Variants in ATE1 observed in about 807,000 individuals in gnomAD.
The protein encoded by ATE1 is arginyl-tRNA--protein transferase 1.
A neutral mutation model predicts 70.5 loss-of-function variants in ATE1; 36 were observed. That is an observed-to-expected ratio of 0.51 (90% confidence interval 0.39 to 0.67). The LOEUF is 0.67. Among genes scored for constraint, ATE1 ranks in the 30% least tolerant of loss-of-function variants. The pLI, the probability that ATE1 is intolerant of heterozygous loss-of-function variation, is 0.00. For missense variants in ATE1, 593 were observed against 629.5 expected, an observed-to-expected ratio of 0.94 and a Z score of 0.62; for synonymous variants, 232 against 219.3, an observed-to-expected ratio of 1.06 and a Z score of -0.51.
chr10:121,749,713 C>T (rs970028514), intron 11 of ATE1, among the ~76,000 whole-genome samples: 1 of 152,170 alleles, frequency 6.6e-6, no homozygotes. Context: ...CAGAGACTGA[C>T]GTCAGCCCCC....
At chr10:121,871,193 G>A (rs1949843155) in intron 7 of ATE1, among the ~76,000 whole-genome samples, 2 of 152,176 alleles carry the variant, frequency 1.3e-5, no homozygotes, top group South Asian at 2.1e-4. Flanking sequence ...GGTGGCTCAC[G>A]CATGTAATCC....
intron 11 of ATE1, among the ~76,000 whole-genome samples, chr10:121,752,388 G>A (rs12572296): frequency 0.38 from 57,654 of 150,366 alleles, 12,010 homozygotes; most frequent in East Asian, 0.59. Flanking sequence ...CCGCCACCAC[G>A]CCTGGCTAAT....
intron 10 of ATE1, among the ~76,000 whole-genome samples, chr10:121,791,376 G>A (rs1404743044): frequency 6.6e-6 from 1 of 151,984 alleles, no homozygotes; most frequent in Admixed American, 6.6e-5. Context: ...TTACAGGCAT[G>A]AGCCACCGTG....
intron 5 of ATE1, among the ~76,000 whole-genome samples, chr10:121,909,648 T>G (rs1454833779): frequency 6.6e-6 from 1 of 152,182 alleles, no homozygotes; most frequent in Non-Finnish European, 1.5e-5. Flanking sequence ...ATAACGATTT[T>G]TTAAATTTGA....
intron 8 of ATE1, among the ~76,000 whole-genome samples, chr10:121,858,007 G>A (rs988829242): frequency 6.6e-6 from 1 of 152,134 alleles, no homozygotes; most frequent in Non-Finnish European, 1.5e-5. Flanking sequence ...TTCACCATGT[G>A]TGATTGAGAA....
intron 9 of ATE1, among the ~76,000 whole-genome samples, chr10:121,840,050 C>G (rs1405656418): frequency 6.6e-6 from 1 of 152,052 alleles, no homozygotes; most frequent in Admixed American, 6.6e-5. Context: ...AAAAATAGTT[C>G]CCAACCCTCC....
chr10:121,767,193 C>G (rs1259629087), intron 11 of ATE1, among the ~76,000 whole-genome samples: 1 of 152,150 alleles, frequency 6.6e-6, no homozygotes, highest in Non-Finnish European at 1.5e-5. Context: ...CACAATTCAG[C>G]AACCACTCAC....
intron 6 of ATE1, among the ~76,000 whole-genome samples, chr10:121,901,576 C>T (rs1294827505): frequency 2.0e-5 from 3 of 152,102 alleles, no homozygotes; most frequent in African/African-American, 7.2e-5. Flanking sequence ...GGTGTCTCAG[C>T]CTCTCTAGGA....
intron 10 of ATE1, among the ~76,000 whole-genome samples, chr10:121,793,932 T>G (rs1384875325): frequency 6.6e-6 from 1 of 152,206 alleles, no homozygotes; most frequent in Non-Finnish European, 1.5e-5. Context: ...TTTCTAGTAC[T>G]TTCATGGTTT....
Position 121,913,799 on chromosome 10 carries a change from T to C in ATE1, c.328A>G (p.Ser110Gly). ...FLAKGEVPKG[S>G]CEDEPMDSTM... ...ACCCAGCCCATCTTACCCTCACAACTTCCTTTGGGAACCTCCCCTTTAGCT... is the reference window on the plus strand; with the variant it reads ...ACCCAGCCCATCTTACCCTCACAACCTCCTTTGGGAACCTCCCCTTTAGCT... Residue 110 changes from serine to glycine, a missense_variant, in exon 4 of 12, where the codon AGT (serine) becomes GGT (glycine). Physicochemically the swap from Ser to Gly is moderately conservative, Grantham distance 56. This residue lies in a region of ATE1 where 467 missense variants were observed against 469.6 expected (regional missense o/e 0.99). Coordinates refer to ENST00000224652, the MANE Select transcript of ATE1 (RefSeq NM_001001976.3). 5.6e-6 allele frequency: 9 copies of C among 1,611,072 alleles called. No homozygotes were observed. The highest frequency in any genetic ancestry group is 6.8e-6 in the Non-Finnish European group (8 of 1,177,822).
intron 10 of ATE1, among the ~76,000 whole-genome samples, chr10:121,811,469 T>C (rs1363134322): frequency 2.0e-5 from 3 of 152,220 alleles, no homozygotes; most frequent in Admixed American, 6.5e-5. Flanking sequence ...GGAAGGCTTT[T>C]TGAATATTTG....
At chr10:121,905,203 G>A (rs575941982) in intron 5 of ATE1, among the ~76,000 whole-genome samples, 6 of 152,240 alleles carry the variant, frequency 3.9e-5, no homozygotes, top group African/African-American at 1.2e-4. Context: ...TAATACCTGT[G>A]CAGCTCATAA....
intron 11 of ATE1, among the ~76,000 whole-genome samples, chr10:121,761,924 G>C (rs1945056992): frequency 6.6e-6 from 1 of 152,110 alleles, no homozygotes; most frequent in Non-Finnish European, 1.5e-5. Context: ...TCATCCTCCA[G>C]TTATCTTAAT....
At chr10:121,901,149 C>A (rs4426071) in intron 6 of ATE1, among the ~76,000 whole-genome samples, 42,590 of 151,734 alleles carry the variant, frequency 0.28, 6,771 homozygotes, top group South Asian at 0.43. Context: ...CACTTGTAAT[C>A]CCAGCTACTC....
intron 10 of ATE1, among the ~76,000 whole-genome samples, chr10:121,826,996 T>G (rs541099320): frequency 6.7e-6 from 1 of 150,270 alleles, no homozygotes; most frequent in African/African-American, 2.4e-5. Context: ...TATCACATTT[T>G]CTTTACTGTT....
chr10:121,794,379 G>GA (rs1946569249), intron 10 of ATE1, among the ~76,000 whole-genome samples: 2 of 152,008 alleles, frequency 1.3e-5, no homozygotes, highest in South Asian at 4.2e-4. Flanking sequence ...TGATCTTTGT[G>GA]ACAGCAGAAC....
intron 2 of ATE1, among the ~76,000 whole-genome samples, chr10:121,922,846 G>A (rs1042356079): frequency 6.6e-6 from 1 of 152,098 alleles, no homozygotes; most frequent in Non-Finnish European, 1.5e-5. Context: ...TGCATTCCAG[G>A]TCTATGGTAC....
At chr10:121,818,480 C>T (rs1464050844) in intron 10 of ATE1, among the ~76,000 whole-genome samples, 1 of 152,086 alleles carries the variant, frequency 6.6e-6, no homozygotes, top group Non-Finnish European at 1.5e-5. Flanking sequence ...TTTAGAGCAA[C>T]GAGTTGCTAT....
chr10:121,919,686 T>C (rs1951803581), intron 3 of ATE1, among the ~76,000 whole-genome samples: 1 of 148,022 alleles, frequency 6.8e-6, no homozygotes, highest in Admixed American at 6.7e-5. Context: ...GGTGGGTAGA[T>C]CACGAGTTCG....
Sources: allele counts gnomAD v4.1 joint callset (sites outside exome capture counted in the v4.1 genomes callset), GRCh38; gene constraint gnomAD v4.1.1; regional missense constraint gnomAD v4.1.1; transcripts MANE v1.5; gene names NCBI Gene and HGNC (gene_info 2026-07-23, HGNC 2026-07-21).